Variants in LRRFIP2 observed in about 807,000 individuals in gnomAD.
LRRFIP2 encodes the protein LRR binding FLII interacting protein 2, also known as leucine-rich repeat flightless-interacting protein 2.
Under a neutral mutation model 125.9 loss-of-function variants are expected in LRRFIP2, and 109 were observed. That is an observed-to-expected ratio of 0.87 (90% CI 0.74 to 1.01). The LOEUF (loss-of-function observed/expected upper bound fraction) is 1.01, where lower values mean the gene tolerates loss of function less well. Among genes scored for constraint, LRRFIP2 ranks in the 50% least tolerant of loss-of-function variants. LRRFIP2 has a pLI of 0.00. For synonymous variants in LRRFIP2, 291 were observed against 293.1 expected (o/e 0.99, Z 0.07); for missense variants, 850 against 862.3 (o/e 0.99, Z 0.18).
intron 24 of LRRFIP2, among the ~76,000 whole-genome samples, chr3:37,059,425 A>G (rs1227367884): frequency 6.6e-6 from 1 of 152,252 alleles, no homozygotes; most frequent in African/African-American, 2.4e-5. Flanking sequence ...GGAAGATTCC[A>G]TGAGCAGTTT....
At chr3:37,091,323 T>TA (rs1213287528) in intron 18 of LRRFIP2, 144 bp downstream of exon 18, 1 of 528,330 alleles carries the variant, frequency 1.9e-6, no homozygotes, top group Non-Finnish European at 3.4e-6. Context: ...TCACCATTCC[T>TA]ATGCACTGCA....
intron 14 of LRRFIP2, among the ~76,000 whole-genome samples, chr3:37,104,160 T>C (rs150633389): frequency 1.3e-5 from 2 of 152,314 alleles, no homozygotes; most frequent in Non-Finnish European, 2.9e-5. Context: ...GATATTAATA[T>C]TTATTGGCAC....
chr3:37,154,289 C>T (rs368874814), intron 1 of LRRFIP2, among the ~76,000 whole-genome samples: 2 of 152,288 alleles, frequency 1.3e-5, no homozygotes, highest in South Asian at 2.1e-4. Flanking sequence ...GAAAGGAATA[C>T]GATTCTTAAC....
In LRRFIP2 at chr3:37,096,609, TACTC is replaced by T. The variant is rs781378318; in HGVS notation, c.918+3_918+6del. On this transcript the variant is annotated splice_donor_5th_base_variant and intron_variant, in intron 16 of 27. Transcript: ENST00000336686. ...TGAGAATTTCCCTTAGGAATTTACA[TACTC>T]ACTCTTGTATAATTTTCAGCATACT... 2.0e-5 allele frequency: 30 copies of T among 1,524,838 alleles called. No individual in the cohort carries two copies. The highest frequency in any genetic ancestry group is 8.1e-6 in the Non-Finnish European group (9 of 1,110,292). The allele number at this position is 1,524,838 out of a possible 1,614,324, so 94.5% of individuals were successfully genotyped here. A position where few individuals can be genotyped will look rare whatever the true frequency, so the allele number is the denominator to read the frequency against.
At chr3:37,064,083 T>C in intron 23 of LRRFIP2, 3 of 345,882 alleles carry the variant, frequency 8.7e-6, no homozygotes, top group Non-Finnish European at 1.6e-5. Context: ...GTCATTTCCT[T>C]GTTTCAAGCT....
In LRRFIP2 at chr3:37,054,447, A is replaced by G. The variant is rs1357484895; in HGVS notation, c.2019T>C (p.Asp673=). The change falls in exon 27 of 28, where the codon GAT becomes GAC. Residue 673 remains aspartate (D), a synonymous_variant. Coordinates refer to ENST00000336686, the MANE Select transcript of LRRFIP2 (RefSeq NM_006309.4). The stretch of plus-strand genomic sequence containing the variant: ...GCTTCCGTTTTTCTGCTTTCAATTC[A>G]TCTTCAACTTTCTCAGCATTCTCAG... ...TAAENAEKVE[D]ELKAEKRKLQ... 4 of 1,613,970 alleles carry G rather than the reference A, an allele frequency of 2.5e-6. No homozygotes were observed. The highest frequency in any genetic ancestry group is 1.7e-5 in the Admixed American group (1 of 60,020).
intron 1 of LRRFIP2, among the ~76,000 whole-genome samples, chr3:37,167,037 A>G (rs529707073): frequency 1.3e-5 from 2 of 151,754 alleles, no homozygotes; most frequent in African/African-American, 4.8e-5. Flanking sequence ...AAACAGAAGG[A>G]GAAAAGAAAA....
chr3:37,054,649 G>GT lies in LRRFIP2; in HGVS notation c.1951-135dup, dbSNP rs1325164817. 9.4e-6 allele frequency: 6 copies of GT among 639,214 alleles called. No homozygotes were observed. The Admixed American group carries it at 1.6e-4, about 17-fold the overall frequency. The allele number at this position is 639,214 out of a possible 1,614,324, so 39.6% of individuals were successfully genotyped here. A position where few individuals can be genotyped will look rare whatever the true frequency, so the allele number is the denominator to read the frequency against. ...CAAGTCCCCTAAGGGTGACTCATAA[G>GT]TCCTCTCAGAACTCAGTTGCTATTT... On this transcript the variant is annotated intron_variant, in intron 26 of 27. Transcript: ENST00000336686.
intron 15 of LRRFIP2, among the ~76,000 whole-genome samples, chr3:37,097,572 C>T (rs1450945549): frequency 6.6e-6 from 1 of 152,088 alleles, no homozygotes; most frequent in African/African-American, 2.4e-5. Flanking sequence ...ATAAATCATA[C>T]CCCATCTATA....
intron 1 of LRRFIP2, among the ~76,000 whole-genome samples, chr3:37,171,726 G>A (rs952934077): frequency 6.6e-6 from 1 of 152,158 alleles, no homozygotes; most frequent in African/African-American, 2.4e-5. Context: ...AGGAAAAAAG[G>A]AGGTAGATTA....
At chr3:37,083,588 G>T in intron 19 of LRRFIP2, 48 bp downstream of exon 19, 1 of 1,356,466 alleles carries the variant, frequency 7.4e-7, no homozygotes, top group East Asian at 2.6e-5. Context: ...TTTGTAAGTG[G>T]CAGGCTTTTA....
In LRRFIP2 at chr3:37,126,774, G is replaced by A. The variant is rs184165798; in HGVS notation, c.228+856C>T. Among the ~76,000 whole-genome samples, 822 of 151,578 alleles carry A rather than the reference G, an allele frequency of 5.4e-3. 18 individuals carry two copies. The highest frequency in any genetic ancestry group is 0.048 in the Admixed American group (729 of 15,198). ...CTTGAGATGCTGAGGCAGGAGAATCGCTTGAACCCAGGAGACGGAGGTTGC... is the reference window on the plus strand; with the variant it reads ...CTTGAGATGCTGAGGCAGGAGAATCACTTGAACCCAGGAGACGGAGGTTGC... On this transcript the variant is annotated intron_variant, in intron 4 of 27. Transcript: ENST00000336686.
intron 6 of LRRFIP2, among the ~76,000 whole-genome samples, chr3:37,118,524 C>G (rs929813705): frequency 6.6e-6 from 1 of 152,206 alleles, no homozygotes; most frequent in African/African-American, 2.4e-5. Flanking sequence ...AAATTCCTAA[C>G]TTTGATTTAA....
chr3:37,161,827 GAA>G (rs1449475214), intron 1 of LRRFIP2, among the ~76,000 whole-genome samples: 4 of 150,100 alleles, frequency 2.7e-5, no homozygotes, highest in African/African-American at 9.8e-5. Flanking sequence ...TAGAAAATAA[GAA>G]AGAAAAATAT....
rs563329020 is a variant in LRRFIP2, at chr3:37,078,448, G to GT, written c.1279-3333dup. Reference sequence around the variant, plus strand: ...TCGGATAAAGCAAAGAGAACAGAACGTAACATAATTACTATCATCCCTAGA... The same window carrying GT: ...TCGGATAAAGCAAAGAGAACAGAACGTTAACATAATTACTATCATCCCTAGA... On this transcript the variant is annotated intron_variant, in intron 19 of 27. Transcript: ENST00000336686. Among the ~76,000 whole-genome samples, 11 of 152,238 alleles carry GT rather than the reference G, an allele frequency of 7.2e-5. No individual in the cohort carries two copies. The East Asian group carries it at 2.1e-3, about 29-fold the overall frequency.
chr3:37,150,767 T>C (rs1047826542), intron 1 of LRRFIP2, among the ~76,000 whole-genome samples: 2 of 152,232 alleles, frequency 1.3e-5, no homozygotes, highest in African/African-American at 4.8e-5. Context: ...TTCATTACAG[T>C]ATGAATCACA....
chr3:37,108,621 C>T lies in LRRFIP2; in HGVS notation c.657+16G>A. The T allele has an allele frequency of 6.3e-7, 1 of 1,599,550 alleles. No individual in the cohort carries two copies. The highest frequency in any genetic ancestry group is 8.6e-7 in the Non-Finnish European group (1 of 1,168,374). On this transcript the variant is annotated intron_variant, in intron 12 of 27. Coordinates refer to ENST00000336686, the MANE Select transcript of LRRFIP2 (RefSeq NM_006309.4). ...CATTTCCCTCCTCTTCACCACCTTC[C>T]CCTATTTAGACTTACAGTTCGAGGA...
chr3:37,084,295 A>T (rs1356425403), intron 18 of LRRFIP2, among the ~76,000 whole-genome samples: 2 of 152,174 alleles, frequency 1.3e-5, no homozygotes, highest in Non-Finnish European at 2.9e-5. Flanking sequence ...ATGCCAACAT[A>T]AAGGTAAATA....
rs115731979 is a variant in LRRFIP2, at chr3:37,070,991, C to T, written c.1464+1799G>A. Reference sequence around the variant, plus strand: ...ACCTACTTTGCCCCACGTTTTTTCACCTCTTATATTTCCCAAGCAAAAATT... The same window carrying T: ...ACCTACTTTGCCCCACGTTTTTTCATCTCTTATATTTCCCAAGCAAAAATT... On this transcript the variant is annotated intron_variant, in intron 21 of 27. Coordinates refer to ENST00000336686, the MANE Select transcript of LRRFIP2 (RefSeq NM_006309.4). Among the ~76,000 whole-genome samples the T allele has an allele frequency of 4.4e-3, 663 of 152,186 alleles. 3 individuals are homozygous for T. The highest frequency in any genetic ancestry group is 0.037 in the Middle Eastern group (11 of 294).
Sources: allele counts gnomAD v4.1 joint callset (sites outside exome capture counted in the v4.1 genomes callset), GRCh38; gene constraint gnomAD v4.1.1; transcripts MANE v1.5; gene names NCBI Gene and HGNC (gene_info 2026-07-23, HGNC 2026-07-21).